ANKFN1: variants seen among roughly 807,000 people sequenced by gnomAD.
ANKFN1 encodes ankyrin repeat and fibronectin type III domain containing 1.
In ANKFN1, 74 loss-of-function variants were observed where a neutral mutation model predicts 108.7. That is an observed-to-expected ratio of 0.68 (90% CI 0.56 to 0.83). The LOEUF (loss-of-function observed/expected upper bound fraction) is 0.83. ANKFN1 is among the 40% of genes least tolerant of loss of function. ANKFN1 has a pLI of 0.00. For missense variants in ANKFN1, 1,505 were observed against 1,382.3 expected (o/e 1.09, Z -1.41); for synonymous variants, 547 against 516.2 (o/e 1.06, Z -0.81).
chr17:56,166,647 A>G (rs1017554102), intron 1 of ANKFN1, among the ~76,000 whole-genome samples: 8 of 152,176 alleles, frequency 5.3e-5, no homozygotes, highest in African/African-American at 1.9e-4. Context: ...ATGGCCTAAA[A>G]TGCTTTCAGT....
At chr17:56,068,540 T>C (rs533145255) in intron 4 of ANKFN1, among the ~76,000 whole-genome samples, 1 of 152,264 alleles carries the variant, frequency 6.6e-6, no homozygotes, top group South Asian at 2.1e-4. Flanking sequence ...TGAGTGCCCA[T>C]AGAGCTCACC....
intron 3 of ANKFN1, among the ~76,000 whole-genome samples, chr17:56,246,277 A>G (rs1917948273): frequency 6.6e-6 from 1 of 152,176 alleles, no homozygotes; most frequent in Non-Finnish European, 1.5e-5. Context: ...GTGTAGTATC[A>G]TGGGCAGCGG....
At position 56,290,679 on chromosome 17, in the gene ANKFN1, T is replaced by G. The variant is rs535598614; in HGVS notation, c.54-35542T>G. Among the ~76,000 whole-genome samples the G allele has an allele frequency of 9.2e-5, 14 of 152,220 alleles. No homozygotes were observed. In the East Asian group the frequency reaches 2.7e-3, roughly 29 times the overall value. On this transcript the variant is annotated intron_variant, in intron 3 of 20. Transcript: ENST00000682825. ...CTGTAAATAAGGATATCTCAGAAAT[T>G]GAAAGTGAAAGTATTAAATTCTCTA...
chr17:56,088,932 G>T (rs548239834), intron 4 of ANKFN1, among the ~76,000 whole-genome samples: 47 of 151,448 alleles, frequency 3.1e-4, no homozygotes, highest in African/African-American at 1.1e-3. Context: ...TTCTGGCTTG[G>T]TCTAGCATGG....
chr17:56,055,176 A>G (rs1347865142), intron 4 of ANKFN1, among the ~76,000 whole-genome samples: 2 of 152,010 alleles, frequency 1.3e-5, no homozygotes, highest in Non-Finnish European at 2.9e-5. Context: ...CAAATAGTAA[A>G]CATTGTACCT....
intron 3 of ANKFN1, among the ~76,000 whole-genome samples, chr17:56,315,343 A>G (rs1418736646): frequency 6.6e-6 from 1 of 152,224 alleles, no homozygotes; most frequent in Non-Finnish European, 1.5e-5. Context: ...CACTGAAGGA[A>G]CAATGAGAAT....
chr17:56,439,648 A>G (rs1483054058), intron 8 of ANKFN1, among the ~76,000 whole-genome samples: 3 of 152,156 alleles, frequency 2.0e-5, no homozygotes, highest in Non-Finnish European at 4.4e-5. Context: ...AGGGGAAGGG[A>G]GCAGTATATA....
chr17:56,493,871 A>G (rs1323583943), intron 19 of ANKFN1, among the ~76,000 whole-genome samples: 1 of 152,216 alleles, frequency 6.6e-6, no homozygotes, highest in Non-Finnish European at 1.5e-5. Context: ...AAGATGAACG[A>G]ACGCTGTGAA....
In ANKFN1 at chr17:56,227,925, C is replaced by G; in HGVS notation, c.21C>G (p.Leu7=). 1 of 1,606,304 alleles carries G rather than the reference C, an allele frequency of 6.2e-7. No homozygotes were observed. The highest frequency in any genetic ancestry group is 8.5e-7 in the Non-Finnish European group (1 of 1,177,458). Residue 7 remains leucine, a synonymous_variant, in exon 3 of 21, where the codon CTC becomes CTG. Transcript: ENST00000682825. MNEKRL[L]FKDRHFTCSK... is the part of the protein sequence containing the mutation. ...TTCTTTCTTTGTTTCAGAGGCTACT[C>G]TTTAAAGACAGGCATTTTACTTGCA...
At chr17:56,175,370 G>C (rs1911052232) in intron 1 of ANKFN1, among the ~76,000 whole-genome samples, 2 of 152,210 alleles carry the variant, frequency 1.3e-5, no homozygotes, top group African/African-American at 4.8e-5. Flanking sequence ...AAAACACCTA[G>C]ATATAACTGG....
intron 4 of ANKFN1, among the ~76,000 whole-genome samples, chr17:56,057,222 A>T (rs113527650): frequency 8.5e-5 from 13 of 152,290 alleles, no homozygotes; most frequent in African/African-American, 3.1e-4. Context: ...TACTTCCTCC[A>T]CTGAAGGCTT....
At chr17:56,239,122 T>C (rs534117502) in intron 3 of ANKFN1, among the ~76,000 whole-genome samples, 14 of 152,254 alleles carry the variant, frequency 9.2e-5, no homozygotes, top group African/African-American at 3.1e-4. Context: ...TTTTTTAGAC[T>C]ACAAGAATCA....
chr17:56,260,966 T>C (rs1448965414), intron 3 of ANKFN1, among the ~76,000 whole-genome samples: 1 of 152,254 alleles, frequency 6.6e-6, no homozygotes, highest in Admixed American at 6.5e-5. Context: ...GTTCAGCCAT[T>C]TGTTCTCCTA....
At chr17:56,463,273 T>A (rs1598653722) in intron 14 of ANKFN1, among the ~76,000 whole-genome samples, 1 of 152,212 alleles carries the variant, frequency 6.6e-6, no homozygotes, top group South Asian at 2.1e-4. Context: ...AATGCTCATT[T>A]GTGCCCAAGG....
At chr17:56,169,264 AATT>A (rs781294784) in intron 1 of ANKFN1, among the ~76,000 whole-genome samples, 35 of 152,148 alleles carry the variant, frequency 2.3e-4, no homozygotes, top group East Asian at 9.7e-4. Context: ...TTCCGTTTAA[AATT>A]ATTATCATTA....
intron 15 of ANKFN1, among the ~76,000 whole-genome samples, chr17:56,469,271 C>T (rs2050236096): frequency 6.7e-6 from 1 of 150,348 alleles, no homozygotes; most frequent in African/African-American, 2.5e-5. Context: ...TCCCCTCCTT[C>T]CCATACAAGT....
At chr17:56,452,038 C>A (rs760271463) in intron 11 of ANKFN1, among the ~76,000 whole-genome samples, 35 of 152,178 alleles carry the variant, frequency 2.3e-4, no homozygotes, top group Non-Finnish European at 4.8e-4. Context: ...GTTAAGCAAG[C>A]TTCATTGTTC....
intron 15 of ANKFN1, chr17:56,472,730 C>A (rs1037858128): frequency 1.3e-5 from 2 of 152,222 alleles, no homozygotes; most frequent in South Asian, 2.1e-4. Context: ...AGCCTGATAG[C>A]AGTACAAACA....
At chr17:56,157,136 C>T (rs577988673) in intron 1 of ANKFN1, among the ~76,000 whole-genome samples, 58 of 152,244 alleles carry the variant, frequency 3.8e-4, no homozygotes, top group African/African-American at 1.4e-3. Flanking sequence ...TCTCAGGCCA[C>T]TGGGAGCCAG....
Sources: allele counts gnomAD v4.1 joint callset (sites outside exome capture counted in the v4.1 genomes callset), GRCh38; gene constraint gnomAD v4.1.1; transcripts MANE v1.5; gene names NCBI Gene and HGNC (gene_info 2026-07-23, HGNC 2026-07-21).